Variants in TRPM3 observed in about 807,000 individuals in gnomAD.
TRPM3 encodes long transient receptor potential channel 3.
TRPM3 carries 77 observed loss-of-function variants against 181.2 expected under a neutral mutation model. That is an observed-to-expected ratio of 0.42 (90% CI 0.35 to 0.51). The LOEUF (loss-of-function observed/expected upper bound fraction) is 0.51. Among genes scored for constraint, TRPM3 ranks in the 20% least tolerant of loss-of-function variants. TRPM3 has a pLI of 0.01. For synonymous variants in TRPM3, 745 were observed against 796.4 expected, an observed-to-expected ratio of 0.94 and a Z score of 1.09; for missense variants, 1,759 against 2,196.7, an observed-to-expected ratio of 0.80 and a Z score of 3.98.
chr9:71,422,665 A>G (rs2093798251), intron 1 of TRPM3, among the ~76,000 whole-genome samples: 1 of 152,066 alleles, frequency 6.6e-6, no homozygotes, highest in Admixed American at 6.6e-5. Context: ...AGGATTGCTA[A>G]ATTAAAAAAG....
At chr9:71,311,924 G>T (rs2087984785) in intron 1 of TRPM3, among the ~76,000 whole-genome samples, 1 of 152,132 alleles carries the variant, frequency 6.6e-6, no homozygotes, top group African/African-American at 2.4e-5. Context: ...CATGTTTTAA[G>T]CAAGTTTATG....
chr9:70,791,323 T>TC (rs2085344077), intron 6 of TRPM3, among the ~76,000 whole-genome samples: 1 of 152,192 alleles, frequency 6.6e-6, no homozygotes, highest in African/African-American at 2.4e-5. Flanking sequence ...TATTAAACAG[T>TC]CGACACGCAA....
At chr9:70,761,191 A>G (rs2078062146) in intron 8 of TRPM3, 1 of 531,880 alleles carries the variant, frequency 1.9e-6, no homozygotes, top group Non-Finnish European at 3.3e-6. Context: ...GATTAGTGTA[A>G]CAGCCTGGAC....
chr9:71,413,906 A>T (rs914425237), intron 1 of TRPM3, among the ~76,000 whole-genome samples: 4 of 151,204 alleles, frequency 2.6e-5, no homozygotes, highest in African/African-American at 9.7e-5. Context: ...TGTTACAGTC[A>T]CATAAAACAA....
chr9:70,880,220 A>G (rs2095961817), intron 1 of TRPM3, among the ~76,000 whole-genome samples: 4 of 152,082 alleles, frequency 2.6e-5, no homozygotes, highest in African/African-American at 9.7e-5. Context: ...TTTTTTTCTT[A>G]ATGTCAGTAG....
chr9:71,150,935 T>C (rs902083992), intron 1 of TRPM3, among the ~76,000 whole-genome samples: 6 of 152,094 alleles, frequency 3.9e-5, no homozygotes, highest in Non-Finnish European at 2.9e-5. Context: ...CAGATATATA[T>C]AGGAGTTTGG....
chr9:71,176,280 C>CA (rs2077103802), intron 1 of TRPM3, among the ~76,000 whole-genome samples: 1 of 152,046 alleles, frequency 6.6e-6, no homozygotes, highest in African/African-American at 2.4e-5. Flanking sequence ...TCCAGTGGGA[C>CA]AAGATGTGGA....
At chr9:70,570,367 G>A (rs912820489) in intron 22 of TRPM3, among the ~76,000 whole-genome samples, 4 of 138,428 alleles carry the variant, frequency 2.9e-5, no homozygotes, top group African/African-American at 1.1e-4. Context: ...GGAGTGCAGC[G>A]GCACGATCTC....
chr9:70,605,530 T>A (rs2060905900), intron 19 of TRPM3, among the ~76,000 whole-genome samples: 1 of 151,514 alleles, frequency 6.6e-6, no homozygotes, highest in South Asian at 2.1e-4. Flanking sequence ...TGGCAAATCA[T>A]GAAAACTTCT....
chr9:70,835,180 C>A (rs2094225185), intron 5 of TRPM3, among the ~76,000 whole-genome samples: 1 of 152,116 alleles, frequency 6.6e-6, no homozygotes, highest in African/African-American at 2.4e-5. Flanking sequence ...CAGATGCAGG[C>A]ATTATGTTTC....
Position 71,410,802 on chromosome 9 carries a change from A to G in TRPM3, c.183+35851T>C, listed in dbSNP as rs187946669. Among the ~76,000 whole-genome samples, 203 of 152,158 alleles carry G rather than the reference A, an allele frequency of 1.3e-3. 2 individuals are homozygous for G. The highest frequency in any genetic ancestry group is 0.01 in the Middle Eastern group (3 of 294). ...ATACCAAAGCCTGGCAGAGACAACT[A>G]AAAAAGGAATTTTAGACCAATACTC... On this transcript the variant is annotated intron_variant, in intron 1 of 24. Coordinates refer to the TRPM3 transcript ENST00000357533.
At chr9:70,937,640 T>C (rs1344920493) in intron 1 of TRPM3, among the ~76,000 whole-genome samples, 1 of 152,162 alleles carries the variant, frequency 6.6e-6, no homozygotes, top group African/African-American at 2.4e-5. Context: ...ATTGACTCTT[T>C]TGTGTGTAAA....
chr9:71,335,240 A>G (rs1346672546), intron 1 of TRPM3, among the ~76,000 whole-genome samples: 1 of 152,164 alleles, frequency 6.6e-6, no homozygotes, highest in Non-Finnish European at 1.5e-5. Flanking sequence ...TTTAGCATTG[A>G]CTGACTATTA....
intron 1 of TRPM3, among the ~76,000 whole-genome samples, chr9:71,336,433 C>T (rs1282759410): frequency 2.6e-5 from 4 of 152,124 alleles, no homozygotes; most frequent in African/African-American, 9.7e-5. Flanking sequence ...CTACAAACCA[C>T]TGCTCAAGGA....
At chr9:70,833,521 C>A (rs118083515) in intron 5 of TRPM3, among the ~76,000 whole-genome samples, 1 of 152,090 alleles carries the variant, frequency 6.6e-6, no homozygotes, top group Non-Finnish European at 1.5e-5. Context: ...CAAGGATTAA[C>A]CCATTGACGG....
intron 1 of TRPM3, among the ~76,000 whole-genome samples, chr9:71,422,591 T>A (rs2093796578): frequency 6.6e-6 from 1 of 152,066 alleles, no homozygotes; most frequent in East Asian, 1.9e-4. Flanking sequence ...ATAAATGATA[T>A]AACTTGATGG....
At chr9:71,273,730 A>G (rs1337901755) in intron 1 of TRPM3, among the ~76,000 whole-genome samples, 1 of 152,208 alleles carries the variant, frequency 6.6e-6, no homozygotes, top group Non-Finnish European at 1.5e-5. Context: ...AAAAACGATG[A>G]CAAATGTATG....
At chr9:71,410,268 C>A (rs921336251) in intron 1 of TRPM3, among the ~76,000 whole-genome samples, 17 of 146,946 alleles carry the variant, frequency 1.2e-4, no homozygotes, top group African/African-American at 4.1e-4. Context: ...CAGAGCAGAA[C>A]TGAAGGAGAT....
chr9:71,211,490 T>A (rs1265840777), intron 1 of TRPM3, among the ~76,000 whole-genome samples: 1 of 151,950 alleles, frequency 6.6e-6, no homozygotes, highest in Non-Finnish European at 1.5e-5. Context: ...AAATGCCACA[T>A]ATTAGGTGGC....
Sources: allele counts gnomAD v4.1 joint callset (sites outside exome capture counted in the v4.1 genomes callset), GRCh38; gene constraint gnomAD v4.1.1; transcripts MANE v1.5; gene names NCBI Gene and HGNC (gene_info 2026-07-23, HGNC 2026-07-21).